Variants in SPAG16 observed in about 807,000 individuals in gnomAD.
SPAG16 encodes the protein sperm associated antigen 16, also known as sperm-associated antigen 16 protein.
SPAG16 carries 86 observed loss-of-function variants against 80.4 expected under a neutral mutation model. The observed-to-expected ratio is 1.07, with a 90% confidence interval of 0.90 to 1.28. The LOEUF (loss-of-function observed/expected upper bound fraction) is 1.28. Among genes scored for constraint, SPAG16 ranks in the 50% most tolerant of loss-of-function variants. SPAG16 has a pLI of 0.00. For synonymous variants in SPAG16, 294 were observed against 265.9 expected (o/e 1.11, Z -1.03); for missense variants, 870 against 765.3 (o/e 1.14, Z -1.61).
chr2:214,012,941 T>C (rs2047388509), intron 12 of SPAG16, among the ~76,000 whole-genome samples: 1 of 152,090 alleles, frequency 6.6e-6, no homozygotes, highest in Admixed American at 6.5e-5. Flanking sequence ...TCCTCCAGAG[T>C]TTCTGATTCA....
intron 10 of SPAG16, among the ~76,000 whole-genome samples, chr2:213,771,771 C>A (rs796571718): frequency 9.2e-5 from 14 of 152,124 alleles, no homozygotes; most frequent in Admixed American, 2.6e-4. Context: ...GACGTGCAGT[C>A]TTATTTCTGA....
intron 15 of SPAG16, among the ~76,000 whole-genome samples, chr2:214,377,809 A>G (rs1000154226): frequency 1.3e-5 from 2 of 152,212 alleles, no homozygotes; most frequent in Non-Finnish European, 2.9e-5. Flanking sequence ...CCATACAGCT[A>G]TGTTAAGCAG....
chr2:213,995,118 A>G (rs887003509), intron 12 of SPAG16, among the ~76,000 whole-genome samples: 1 of 152,208 alleles, frequency 6.6e-6, no homozygotes, highest in African/African-American at 2.4e-5. Context: ...TTTCATAAGC[A>G]TAGATTAATT....
chr2:213,759,013 C>T (rs569347551), intron 10 of SPAG16, among the ~76,000 whole-genome samples: 5 of 152,210 alleles, frequency 3.3e-5, no homozygotes, highest in African/African-American at 1.2e-4. Flanking sequence ...GGCTGACATT[C>T]GAAGTGCTAA....
intron 9 of SPAG16, among the ~76,000 whole-genome samples, chr2:213,429,004 A>G (rs1212403800): frequency 6.6e-6 from 1 of 151,734 alleles, no homozygotes; most frequent in East Asian, 1.9e-4. Flanking sequence ...AGGCAGGAGA[A>G]TTGCTTGAAC....
intron 11 of SPAG16, among the ~76,000 whole-genome samples, chr2:213,917,128 T>C (rs1023904545): frequency 6.6e-6 from 1 of 152,196 alleles, no homozygotes; most frequent in African/African-American, 2.4e-5. Flanking sequence ...TTCTGTTCCA[T>C]TGGTCTGTGT....
intron 10 of SPAG16, among the ~76,000 whole-genome samples, chr2:213,519,371 G>T (rs2075572064): frequency 6.6e-6 from 1 of 152,162 alleles, no homozygotes; most frequent in Non-Finnish European, 1.5e-5. Context: ...GTTGTGGGAG[G>T]GATGCAGTGG....
intron 13 of SPAG16, among the ~76,000 whole-genome samples, chr2:214,029,105 T>A (rs2048281003): frequency 6.6e-6 from 1 of 152,002 alleles, no homozygotes. Context: ...GGAAAAATGA[T>A]GTTGTGATTC....
chr2:213,360,345 G>A (rs1320894859), intron 7 of SPAG16, among the ~76,000 whole-genome samples: 1 of 152,226 alleles, frequency 6.6e-6, no homozygotes, highest in Non-Finnish European at 1.5e-5. Flanking sequence ...TATAGGACAA[G>A]CTGTGTAAAT....
chr2:214,230,042 G>GA (rs1397378645), intron 15 of SPAG16, among the ~76,000 whole-genome samples: 2 of 151,668 alleles, frequency 1.3e-5, no homozygotes, highest in African/African-American at 2.4e-5. Context: ...AGCAGATGGA[G>GA]AAAAAATAGC....
At chr2:213,997,450 T>C (rs2046577047) in intron 12 of SPAG16, among the ~76,000 whole-genome samples, 1 of 152,226 alleles carries the variant, frequency 6.6e-6, no homozygotes, top group African/African-American at 2.4e-5. Flanking sequence ...TATCATTTTG[T>C]ATAAAGTCAT....
intron 2 of SPAG16, chr2:213,296,915 C>T: frequency 2.5e-6 from 1 of 408,094 alleles, no homozygotes; most frequent in Non-Finnish European, 4.0e-6. Flanking sequence ...GCTAGTAGTT[C>T]TGAAAAAGTG....
chr2:213,749,112 A>G (rs1054336179), intron 10 of SPAG16, among the ~76,000 whole-genome samples: 1 of 152,182 alleles, frequency 6.6e-6, no homozygotes, highest in African/African-American at 2.4e-5. Context: ...GCGCCACTGT[A>G]CTACACCCTG....
chr2:214,250,735 TATATATA>T (rs1345549597), intron 15 of SPAG16, among the ~76,000 whole-genome samples: 1 of 69,106 alleles, frequency 1.4e-5, no homozygotes, highest in Non-Finnish European at 2.5e-5. Context: ...AGCTTTGAGA[TATATATA>T]TATATATATA....
intron 15 of SPAG16, among the ~76,000 whole-genome samples, chr2:214,234,884 G>C (rs923272720): frequency 7.2e-5 from 11 of 151,922 alleles, no homozygotes; most frequent in African/African-American, 2.7e-4. Context: ...CACACACACA[G>C]AGGCAATTTT....
In SPAG16 at chr2:214,214,185, C is replaced by CTTT. The variant is rs71399124; in HGVS notation, c.1720+64930_1720+64932dup. Among the ~76,000 whole-genome samples the CTTT allele has an allele frequency of 6.6e-4, 92 of 140,060 alleles. 1 individual carries two copies. The East Asian group carries it at 6.8e-3, about 10-fold the overall frequency. The allele number at this position is 140,060 out of a possible 152,430, so 91.9% of individuals were successfully genotyped here. ...ATATCCTTCCCAACCTTCCTTTTTA[C>CTTT]TTTTTTTTTTTTTGAGACAGAGTCA... On this transcript the variant is annotated intron_variant, in intron 15 of 15. Transcript: ENST00000331683.
chr2:214,096,350 C>G (rs920618123), intron 13 of SPAG16, among the ~76,000 whole-genome samples: 1 of 151,596 alleles, frequency 6.6e-6, no homozygotes, highest in African/African-American at 2.4e-5. Context: ...TTTGATGCTG[C>G]CTGTTTAACT....
chr2:213,353,051 T>TC (rs2065422069), intron 7 of SPAG16, among the ~76,000 whole-genome samples: 1 of 152,206 alleles, frequency 6.6e-6, no homozygotes, highest in Admixed American at 6.5e-5. Context: ...AAGTTACTTG[T>TC]CTATCCGTAT....
chr2:213,706,769 C>T (rs750806034), intron 10 of SPAG16, among the ~76,000 whole-genome samples: 2 of 152,128 alleles, frequency 1.3e-5, no homozygotes, highest in Non-Finnish European at 2.9e-5. Flanking sequence ...TCCACAACTC[C>T]AGAGTGGCTT....
Sources: allele counts gnomAD v4.1 joint callset (sites outside exome capture counted in the v4.1 genomes callset), GRCh38; gene constraint gnomAD v4.1.1; transcripts MANE v1.5; gene names NCBI Gene and HGNC (gene_info 2026-07-23, HGNC 2026-07-21).